RIMS2: variants seen among roughly 807,000 people sequenced by gnomAD.
RIMS2 encodes the protein regulating synaptic membrane exocytosis protein 2.
In RIMS2, 59 loss-of-function variants were observed where a neutral mutation model predicts 174.4. The observed-to-expected ratio is 0.34, with a 90% confidence interval of 0.27 to 0.42. The LOEUF is 0.42. RIMS2 is among the 10% of genes least tolerant of loss of function. The pLI is 1.00. For synonymous variants in RIMS2, 606 were observed against 572.5 expected, an observed-to-expected ratio of 1.06 and a Z score of -0.84; for missense variants, 1,620 against 1,666.3, an observed-to-expected ratio of 0.97 and a Z score of 0.48.
intron 19 of RIMS2, among the ~76,000 whole-genome samples, chr8:104,119,310 G>A (rs563315367): frequency 1.3e-5 from 2 of 152,020 alleles, no homozygotes; most frequent in African/African-American, 4.8e-5. Flanking sequence ...GCAGTGAGCC[G>A]AGATCGCGCC....
intron 19 of RIMS2, among the ~76,000 whole-genome samples, chr8:104,019,023 C>G (rs1597225979): frequency 6.6e-6 from 1 of 152,022 alleles, no homozygotes; most frequent in South Asian, 2.1e-4. Context: ...CATGGCAAAA[C>G]CCCATCTCTA....
At chr8:103,882,252 A>G (rs1423243680) in intron 3 of RIMS2, among the ~76,000 whole-genome samples, 1 of 151,564 alleles carries the variant, frequency 6.6e-6, no homozygotes, top group African/African-American at 2.4e-5. Flanking sequence ...GAAACACATT[A>G]CTTGAATTTA....
intron 1 of RIMS2, among the ~76,000 whole-genome samples, chr8:103,610,342 C>T (rs2095324734): frequency 1.3e-5 from 2 of 152,100 alleles, no homozygotes; most frequent in African/African-American, 4.8e-5. Flanking sequence ...TGTCTCATTG[C>T]TCTGGTCAGG....
intron 13 of RIMS2, among the ~76,000 whole-genome samples, chr8:103,937,261 T>C (rs2081484897): frequency 6.6e-6 from 1 of 152,210 alleles, no homozygotes; most frequent in Non-Finnish European, 1.5e-5. Flanking sequence ...ATTCTGACAG[T>C]TTTTACATGT....
At chr8:104,005,226 A>C (rs938307128) in intron 17 of RIMS2, among the ~76,000 whole-genome samples, 2 of 152,212 alleles carry the variant, frequency 1.3e-5, no homozygotes, top group African/African-American at 4.8e-5. Flanking sequence ...TGGATAGATA[A>C]TAGCAACCTG....
intron 19 of RIMS2, among the ~76,000 whole-genome samples, chr8:104,134,995 G>A (rs2098506295): frequency 6.8e-6 from 1 of 146,772 alleles, no homozygotes; most frequent in Admixed American, 6.7e-5. Flanking sequence ...GTTAGTATGA[G>A]CTTATTTTTG....
intron 16 of RIMS2, among the ~76,000 whole-genome samples, chr8:103,982,490 C>A: frequency 1.6e-5 from 2 of 121,508 alleles, no homozygotes; most frequent in Non-Finnish European, 3.3e-5. Flanking sequence ...ATGCAGAAAT[C>A]CAAAAAAAAA....
At chr8:104,217,169 G>A (rs1474879628) in intron 19 of RIMS2, among the ~76,000 whole-genome samples, 1 of 151,896 alleles carries the variant, frequency 6.6e-6, no homozygotes, top group Non-Finnish European at 1.5e-5. Context: ...AGTTTATTTT[G>A]TTAACTTCCA....
At chr8:104,052,299 T>A (rs2096799481) in intron 19 of RIMS2, among the ~76,000 whole-genome samples, 1 of 152,138 alleles carries the variant, frequency 6.6e-6, no homozygotes, top group Non-Finnish European at 1.5e-5. Flanking sequence ...AAAATTAAAA[T>A]GGATTTTATA....
chr8:103,885,205 A>G (rs987214509), intron 3 of RIMS2, 93 bp from the exon 7 acceptor site: 73 of 1,441,864 alleles, frequency 5.1e-5, no homozygotes, highest in African/African-American at 1.0e-4. Context: ...CAAAAGGACT[A>G]CTTAGTTATC....
At chr8:103,806,245 A>C (rs1171923404) in intron 3 of RIMS2, among the ~76,000 whole-genome samples, 1 of 152,190 alleles carries the variant, frequency 6.6e-6, no homozygotes. Context: ...CTCAGAAAAC[A>C]TAAGGCTTAA....
chr8:103,982,744 C>T (rs941993874), intron 16 of RIMS2, among the ~76,000 whole-genome samples: 1 of 152,142 alleles, frequency 6.6e-6, no homozygotes, highest in African/African-American at 2.4e-5. Context: ...ATGCAAGGAA[C>T]ATACCTCAAC....
chr8:103,546,101 A>G (rs1844942461), intron 1 of RIMS2, among the ~76,000 whole-genome samples: 1 of 152,226 alleles, frequency 6.6e-6, no homozygotes, highest in Non-Finnish European at 1.5e-5. Flanking sequence ...CTGGATAAAG[A>G]AACAAGACCC....
intron 19 of RIMS2, chr8:104,223,296 GCAT>G (rs2099164550): frequency 1.2e-6 from 1 of 860,726 alleles, no homozygotes; most frequent in African/African-American, 1.8e-5. Flanking sequence ...GGGGACCGCA[GCAT>G]CAGCGGCATC....
chr8:104,135,428 A>T (rs1363134341), intron 19 of RIMS2, among the ~76,000 whole-genome samples: 1 of 151,858 alleles, frequency 6.6e-6, no homozygotes, highest in Non-Finnish European at 1.5e-5. Flanking sequence ...GCCAGACTTG[A>T]TCTCTACAAA....
intron 2 of RIMS2, among the ~76,000 whole-genome samples, chr8:103,709,954 G>A (rs1009224158): frequency 6.6e-6 from 1 of 151,970 alleles, no homozygotes; most frequent in East Asian, 1.9e-4. Context: ...AGACATCCCT[G>A]GATTTCTTTC....
chr8:103,981,490 T>C (rs986903695), intron 16 of RIMS2, among the ~76,000 whole-genome samples: 1 of 152,040 alleles, frequency 6.6e-6, no homozygotes, highest in Admixed American at 6.6e-5. Context: ...CCAAAGACCG[T>C]CTATAAGCAT....
At chr8:104,240,631 A>G (rs1162616018) in intron 19 of RIMS2, among the ~76,000 whole-genome samples, 1 of 152,130 alleles carries the variant, frequency 6.6e-6, no homozygotes, top group Non-Finnish European at 1.5e-5. Context: ...GGTCTTGGTT[A>G]TGCATTAATA....
At chr8:103,575,301 T>G (rs886650806) in intron 1 of RIMS2, among the ~76,000 whole-genome samples, 3 of 152,140 alleles carry the variant, frequency 2.0e-5, no homozygotes, top group African/African-American at 7.2e-5. Context: ...TGTTTTAAGG[T>G]TATGGAACAA....
Sources: gnomAD v4.1 joint callset for allele counts (sites outside exome capture counted in the v4.1 genomes callset) on GRCh38, gnomAD v4.1.1 for gene constraint, MANE v1.5 for transcripts, NCBI Gene and HGNC (gene_info 2026-07-23, HGNC 2026-07-21) for gene names.